The following STXBP3 variants were observed in gnomAD, a reference collection of about 807,000 sequenced individuals.
STXBP3 encodes syntaxin-binding protein 3.
STXBP3 carries 41 observed loss-of-function variants against 85.7 expected under a neutral mutation model. The observed-to-expected ratio is 0.48, with a 90% CI of 0.37 to 0.62. STXBP3 has a LOEUF of 0.62. Ranked by LOEUF, STXBP3 falls within the 20% of genes least tolerant of loss-of-function variation. The pLI, the probability that STXBP3 is intolerant of heterozygous loss-of-function variation, is 0.00. For synonymous variants in STXBP3, 229 were observed against 231.7 expected (o/e 0.99, Z 0.10); for missense variants, 563 against 703.1 (o/e 0.80, Z 2.25).
At chr1:108,790,618 AT>A (rs1234255740) in intron 11 of STXBP3, among the ~76,000 whole-genome samples, 1 of 151,670 alleles carries the variant, frequency 6.6e-6, no homozygotes, top group Non-Finnish European at 1.5e-5. Flanking sequence ...TTTTCACTTC[AT>A]TTTTTATATT....
At chr1:108,751,342 G>T (rs1368758557) in intron 1 of STXBP3, among the ~76,000 whole-genome samples, 1 of 152,072 alleles carries the variant, frequency 6.6e-6, no homozygotes, top group Non-Finnish European at 1.5e-5. Context: ...ATTTTTTATT[G>T]TACCACAGTA....
chr1:108,752,363 A>G, intron 2 of STXBP3, 57 bp downstream of exon 2: 2 of 1,516,968 alleles, frequency 1.3e-6, no homozygotes, highest in Non-Finnish European at 1.8e-6. Flanking sequence ...AAAACAATAC[A>G]GTATAAAAAC....
intron 15 of STXBP3, among the ~76,000 whole-genome samples, chr1:108,797,447 C>T (rs1032767829): frequency 6.8e-6 from 1 of 147,060 alleles, no homozygotes; most frequent in East Asian, 2.1e-4. Flanking sequence ...GAGGCTCTCT[C>T]TGTAGCACAG....
intron 9 of STXBP3, chr1:108,782,146 AT>A (rs905612646): frequency 3.2e-5 from 10 of 310,594 alleles, no homozygotes; most frequent in African/African-American, 8.6e-5. Context: ...AGGACGTTGA[AT>A]TTTTTTTATA....
chr1:108,792,118 T>C (rs775107703), intron 11 of STXBP3, among the ~76,000 whole-genome samples: 47 of 152,338 alleles, frequency 3.1e-4, no homozygotes, highest in African/African-American at 1.1e-3. Flanking sequence ...TATCAGACAT[T>C]CATGTCTATG....
intron 1 of STXBP3, 107 bp downstream of exon 1, chr1:108,746,893 C>T (rs1661797046): frequency 8.7e-7 from 1 of 1,144,884 alleles, no homozygotes; most frequent in African/African-American, 1.6e-5. Flanking sequence ...CCGCCGCGAG[C>T]ACTTGTTGCT....
intron 6 of STXBP3, among the ~76,000 whole-genome samples, chr1:108,764,051 A>G (rs1662205692): frequency 6.6e-6 from 1 of 152,046 alleles, no homozygotes; most frequent in Admixed American, 6.6e-5. Context: ...TCTACCCTCA[A>G]GTAGGCCTAG....
At chr1:108,795,112 C>G (rs1663062817) in intron 13 of STXBP3, among the ~76,000 whole-genome samples, 1 of 151,998 alleles carries the variant, frequency 6.6e-6, no homozygotes, top group Non-Finnish European at 1.5e-5. Flanking sequence ...AGTAAACAGT[C>G]CCTCCTAATA....
At chr1:108,762,627 T>A (rs1377001371) in intron 6 of STXBP3, among the ~76,000 whole-genome samples, 1 of 152,210 alleles carries the variant, frequency 6.6e-6, no homozygotes, top group Non-Finnish European at 1.5e-5. Flanking sequence ...AGGGTGCCAA[T>A]GGAATGTGAT....
At chr1:108,778,992 A>G (rs1466745788) in intron 8 of STXBP3, among the ~76,000 whole-genome samples, 3 of 152,152 alleles carry the variant, frequency 2.0e-5, no homozygotes, top group African/African-American at 4.8e-5. Flanking sequence ...AAGTGCATCC[A>G]TGCAGTTCAA....
chr1:108,796,812 C>T (rs1048938838), intron 15 of STXBP3, 86 bp downstream of exon 15: 2 of 903,976 alleles, frequency 2.2e-6, no homozygotes, highest in African/African-American at 1.8e-5. Flanking sequence ...TTTATGTGGA[C>T]AGTCTTCTTA....
chr1:108,782,836 A>G (rs2101124317), intron 11 of STXBP3, 130 bp downstream of exon 11: 2 of 704,376 alleles, frequency 2.8e-6, no homozygotes, highest in Non-Finnish European at 4.6e-6. Flanking sequence ...ATGAACTCCT[A>G]CGTACCCATT....
At chr1:108,778,153 A>G (rs1372526887) in intron 8 of STXBP3, among the ~76,000 whole-genome samples, 1 of 152,202 alleles carries the variant, frequency 6.6e-6, no homozygotes, top group Admixed American at 6.5e-5. Flanking sequence ...AATTAAATTA[A>G]TGTGCTTAAT....
At chr1:108,786,116 A>G (rs1170870430) in intron 11 of STXBP3, among the ~76,000 whole-genome samples, 1 of 152,194 alleles carries the variant, frequency 6.6e-6, no homozygotes, top group East Asian at 1.9e-4. Context: ...TCACGCTTTT[A>G]TGAAGAAATA....
intron 15 of STXBP3, among the ~76,000 whole-genome samples, chr1:108,797,373 A>C (rs1216857947): frequency 1.3e-5 from 2 of 149,506 alleles, no homozygotes; most frequent in Non-Finnish European, 3.0e-5. Flanking sequence ...GCTCAAAGTC[A>C]AATTTTGAAG....
At chr1:108,767,479 G>A in intron 6 of STXBP3, 1 of 185,500 alleles carries the variant, frequency 5.4e-6, no homozygotes. Context: ...TATTTTGATT[G>A]TAAGAGCTTT....
At chr1:108,790,560 A>G (rs1252078480) in intron 11 of STXBP3, among the ~76,000 whole-genome samples, 13 of 151,842 alleles carry the variant, frequency 8.6e-5, no homozygotes, top group African/African-American at 2.4e-5. Context: ...TAGTTCATAT[A>G]TATTTCATGT....
chr1:108,781,260 G>T (rs1459895852), intron 9 of STXBP3: 2 of 152,202 alleles, frequency 1.3e-5, no homozygotes, highest in African/African-American at 4.8e-5. Flanking sequence ...AGATTGATGT[G>T]TAATTTGTGG....
intron 7 of STXBP3, among the ~76,000 whole-genome samples, chr1:108,774,009 A>G (rs56182945): frequency 0.036 from 5,439 of 152,208 alleles, 159 homozygotes; most frequent in African/African-American, 0.09. Flanking sequence ...GATCCCTCCC[A>G]GCTCTCCCGT....
Sources: gnomAD v4.1 joint callset for allele counts (sites outside exome capture counted in the v4.1 genomes callset) on GRCh38, gnomAD v4.1.1 for gene constraint, MANE v1.5 for transcripts, NCBI Gene and HGNC (gene_info 2026-07-23, HGNC 2026-07-21) for gene names.